Variants in CCZ1 observed in about 807,000 individuals in gnomAD.
CCZ1 encodes CCZ1 vacuolar protein trafficking and biogenesis associated.
Under a neutral mutation model 57.8 loss-of-function variants are expected in CCZ1, and 19 were observed. That is an observed-to-expected ratio of 0.33 (90% CI 0.23 to 0.48). CCZ1 has a LOEUF of 0.48. Among genes scored for constraint, CCZ1 ranks in the 20% least tolerant of loss-of-function variants. The pLI, the probability that CCZ1 is intolerant of heterozygous loss-of-function variation, is 0.99. For missense variants in CCZ1, 200 were observed against 492.0 expected (o/e 0.41, Z 5.61); for synonymous variants, 81 against 167.0 (o/e 0.49, Z 3.97).
chr7:5,905,781 C>CAAAAAA (rs796636886), intron 7 of CCZ1, among the ~76,000 whole-genome samples: 1 of 44,350 alleles, frequency 2.3e-5, no homozygotes, highest in African/African-American at 7.0e-5. Flanking sequence ...ACTCTGTCTC[C>CAAAAAA]AAAAAAAAAA....
At chr7:5,899,334 G>GGGTGTGTGGGTGTGTGTGT (rs1781626415) in intron 1 of CCZ1, among the ~76,000 whole-genome samples, 2 of 12,558 alleles carry the variant, frequency 1.6e-4, no homozygotes, top group African/African-American at 5.6e-4. Context: ...TCGGGAGGGG[G>GGGTGTGTGGGTGTGTGTGT]GTGTGTGTGT....
rs1337358120 is a variant in CCZ1, at chr7:5,910,967, C to T, written c.780+851C>T. On this transcript the variant is annotated intron_variant, in intron 8 of 14. Transcript: ENST00000325974. ...GCCAGGCTGGTCTCGAACTCCTGAC[C>T]TCAGGTGATTGACCCGCCACAGCCT... Among the ~76,000 whole-genome samples the T allele has an allele frequency of 2.7e-5, 4 of 147,600 alleles. 1 individual carries two copies. The highest frequency in any genetic ancestry group is 5.9e-5 in the Non-Finnish European group (4 of 67,518).
rs1490964066 is a variant in CCZ1, at chr7:5,905,047, T to A, written c.523-47T>A. 2.0e-5 allele frequency: 31 copies of A among 1,528,342 alleles called. 1 individual carries two copies. Among genetic ancestry groups the A allele is most frequent in the Non-Finnish European group, 2.8e-5 (31 of 1,121,200 alleles). The allele number at this position is 1,528,342 out of a possible 1,614,324, so 94.7% of individuals were successfully genotyped here. On this transcript the variant is annotated intron_variant, in intron 6 of 14. Transcript: ENST00000325974. ...TTTTCAGTTATCAAGGAGCATTATATTCAGTGTACTATTAGTAAATTTTAT... is the reference window on the plus strand; with the variant it reads ...TTTTCAGTTATCAAGGAGCATTATAATCAGTGTACTATTAGTAAATTTTAT...
chr7:5,911,709 C>T (rs7789034), intron 8 of CCZ1, 152 bp from the exon 9 acceptor site: 355,829 of 1,306,828 alleles, frequency 0.27, 48,058 homozygotes, highest in East Asian at 0.6. Flanking sequence ...TCATGCTGCA[C>T]GCATTCCAGC....
At chr7:5,903,430 G>A (rs190667373) in intron 6 of CCZ1, among the ~76,000 whole-genome samples, 3,699 of 143,986 alleles carry the variant, frequency 0.026, 12 homozygotes, top group South Asian at 0.056. Flanking sequence ...AGTTTATCTC[G>A]AAGCAACAAT....
At position 5,910,407 on chromosome 7, in the gene CCZ1, C is replaced by T. The variant is rs574214078; in HGVS notation, c.780+291C>T. Among the ~76,000 whole-genome samples the T allele has an allele frequency of 1.3e-4, 19 of 149,438 alleles. 2 individuals carry two copies. Among genetic ancestry groups the T allele is most frequent in the Admixed American group, 1.2e-3 (18 of 15,126 alleles). On this transcript the variant is annotated intron_variant, in intron 8 of 14. Transcript: ENST00000325974. ...TTTGAGACGGAGTCTCGAACTTTCG[C>T]CTGGGATGGAGAGGTTCAAGCAATT...
chr7:5,902,555 A>AT (rs1315663629), intron 5 of CCZ1, 106 bp from the exon 6 acceptor site: 1 of 1,402,964 alleles, frequency 7.1e-7, no homozygotes, highest in Non-Finnish European at 9.3e-7. Flanking sequence ...GAACTGGGAG[A>AT]TTTAATGAGC....
intron 8 of CCZ1, among the ~76,000 whole-genome samples, chr7:5,911,563 G>A (rs1779032763): frequency 6.7e-6 from 1 of 148,960 alleles, no homozygotes; most frequent in Non-Finnish European, 1.5e-5. Flanking sequence ...CCAAAGTGCT[G>A]GGATTATAGG....
chr7:5,920,470 C>CCTTTTTT (rs1168459709), intron 12 of CCZ1, among the ~76,000 whole-genome samples: 1 of 95,960 alleles, frequency 1.0e-5, no homozygotes, highest in Non-Finnish European at 2.1e-5. Flanking sequence ...TTCTCCCTGG[C>CCTTTTTT]TTTTTTTTTT....
chr7:5,902,509 C>T, intron 5 of CCZ1, 152 bp from the exon 6 acceptor site: 2 of 1,308,212 alleles, frequency 1.5e-6, no homozygotes, highest in Non-Finnish European at 2.0e-6. Flanking sequence ...ACATTTTTAA[C>T]TCAAGTTTTC....
At chr7:5,901,853 T>G (rs187727915) in intron 5 of CCZ1, 149 bp downstream of exon 5, 20,578 of 626,120 alleles carry the variant, frequency 0.033, 835 homozygotes, top group Middle Eastern at 0.066. Context: ...TTGAAACAGG[T>G]AGTGAGGTTT....
intron 8 of CCZ1, among the ~76,000 whole-genome samples, chr7:5,910,846 C>A (rs576814099): frequency 6.8e-6 from 1 of 147,384 alleles, no homozygotes; most frequent in South Asian, 2.3e-4. Context: ...AACAATTCTC[C>A]GGCCTCAGGC....
intron 1 of CCZ1, 88 bp downstream of exon 1, chr7:5,899,007 G>GTGC (rs1781613337): frequency 3.6e-6 from 1 of 278,846 alleles, no homozygotes; most frequent in Admixed American, 8.0e-5. Flanking sequence ...GAGGGGCACT[G>GTGC]ACCTAGCCTG....
At chr7:5,924,828 TC>T (rs1779329387) in intron 14 of CCZ1, 1 of 84,950 alleles carries the variant, frequency 1.2e-5, no homozygotes. Context: ...AGCGTTTTTT[TC>T]CCCTTGTATC....
At chr7:5,907,982 G>A (rs1476298858) in intron 7 of CCZ1, among the ~76,000 whole-genome samples, 1 of 143,070 alleles carries the variant, frequency 7.0e-6, no homozygotes, top group African/African-American at 2.6e-5. Context: ...TGCACTTAGA[G>A]TCCCAACTAC....
rs563667812 is a variant in CCZ1, at chr7:5,906,910, C to A, written c.698+1641C>A. ...TGAGATGGAGTCGCTTTCTGTTGCC[C>A]AGGCTGGAGTGCAGTGGCATGATCT... On this transcript the variant is annotated intron_variant, in intron 7 of 14. Coordinates refer to ENST00000325974, the MANE Select transcript of CCZ1 (RefSeq NM_015622.6). 9.3e-5 allele frequency among the ~76,000 whole-genome samples: 14 copies of A among 150,436 alleles called. No homozygotes were observed. In the East Asian group the frequency reaches 2.7e-3, roughly 29 times the overall value.
At chr7:5,905,745 G>T (rs1311200264) in intron 7 of CCZ1, among the ~76,000 whole-genome samples, 1 of 94,854 alleles carries the variant, frequency 1.1e-5, no homozygotes, top group Non-Finnish European at 1.8e-5. Context: ...TGGCACCACT[G>T]TACCCCAGCC....
intron 12 of CCZ1, among the ~76,000 whole-genome samples, chr7:5,922,816 C>A (rs1231507232): frequency 6.8e-6 from 1 of 146,846 alleles, no homozygotes; most frequent in Non-Finnish European, 1.5e-5. Flanking sequence ...CACTCATTCC[C>A]CGCACTGTGG....
Position 5,908,930 on chromosome 7 carries a change from C to T in CCZ1, c.699-1105C>T, listed in dbSNP as rs181164024. 6.0e-3 allele frequency among the ~76,000 whole-genome samples: 890 copies of T among 147,550 alleles called. 14 individuals are homozygous for T. The highest frequency in any genetic ancestry group is 0.01 in the Non-Finnish European group (697 of 67,464). ...TGTACATTTCTGAGACCTAGGATCA[C>T]GTTCCCTGTCTACAGCATACCCATA... On this transcript the variant is annotated intron_variant, in intron 7 of 14. Transcript: ENST00000325974.
Sources: gnomAD v4.1 joint callset for allele counts (sites outside exome capture counted in the v4.1 genomes callset) on GRCh38, gnomAD v4.1.1 for gene constraint, MANE v1.5 for transcripts, NCBI Gene and HGNC (gene_info 2026-07-23, HGNC 2026-07-21) for gene names.